The following RAB27B variants were observed in gnomAD, a reference collection of about 807,000 sequenced individuals.
RAB27B encodes ras-related protein Rab-27B.
Under a neutral mutation model 24.6 loss-of-function variants are expected in RAB27B, and 15 were observed. That is an observed-to-expected ratio of 0.61 (90% CI 0.41 to 0.94). The LOEUF is 0.94. RAB27B is among the 40% of genes least tolerant of loss of function. The pLI, the probability that RAB27B is intolerant of heterozygous loss-of-function variation, is 0.00. For synonymous variants in RAB27B, 105 were observed against 92.5 expected, an observed-to-expected ratio of 1.14 and a Z score of -0.78; for missense variants, 261 against 266.8, an observed-to-expected ratio of 0.98 and a Z score of 0.15.
At chr18:54,862,958 G>T (rs551035231) in intron 1 of RAB27B, among the ~76,000 whole-genome samples, 1 of 152,176 alleles carries the variant, frequency 6.6e-6, no homozygotes, top group South Asian at 2.1e-4. Flanking sequence ...AGATTGTTTT[G>T]GCTATTCTGT....
intron 1 of RAB27B, among the ~76,000 whole-genome samples, chr18:54,844,747 C>T (rs1429000333): frequency 1.3e-5 from 2 of 152,126 alleles, no homozygotes; most frequent in Admixed American, 1.3e-4. Flanking sequence ...CCCTGAGATA[C>T]TGAGAATCTA....
rs138524021 is a variant in RAB27B, at chr18:54,892,354, C to G, written c.*2941C>G. The G allele has an allele frequency of 6.6e-5, 10 of 152,094 alleles. No homozygotes were observed. Among genetic ancestry groups the G allele is most frequent in the African/African-American group, 2.4e-4 (10 of 41,526 alleles). The allele number at this position is 152,094 out of a possible 1,614,324, so 9.4% of individuals were successfully genotyped here. A position where few individuals can be genotyped will look rare whatever the true frequency, so the allele number is the denominator to read the frequency against. On this transcript the variant is annotated 3_prime_UTR_variant, in exon 6 of 6. Transcript: ENST00000262094. ...TCCTATAATGTTATATCATAGGAAGCCCTCACAGAGACACTAACACAGCTA... is the reference window on the plus strand; with the variant it reads ...TCCTATAATGTTATATCATAGGAAGGCCTCACAGAGACACTAACACAGCTA...
chr18:54,843,984 A>G (rs1911218873), intron 1 of RAB27B, among the ~76,000 whole-genome samples: 1 of 152,218 alleles, frequency 6.6e-6, no homozygotes, highest in Non-Finnish European at 1.5e-5. Context: ...GAACTAGAAG[A>G]AAAGCCATCC....
intron 2 of RAB27B, among the ~76,000 whole-genome samples, chr18:54,751,161 A>T (rs1275109295): frequency 1.3e-5 from 2 of 152,168 alleles, no homozygotes; most frequent in Admixed American, 6.6e-5. Context: ...GAAAGACAAT[A>T]CTAGGAGCTT....
At chr18:54,872,239 C>T (rs1253215472) in intron 1 of RAB27B, among the ~76,000 whole-genome samples, 1 of 152,172 alleles carries the variant, frequency 6.6e-6, no homozygotes, top group Non-Finnish European at 1.5e-5. Context: ...TATCTCTGTG[C>T]TTTGCCTTTT....
intron 2 of RAB27B, among the ~76,000 whole-genome samples, chr18:54,763,189 G>C (rs573326519): frequency 1.0e-3 from 159 of 152,226 alleles, no homozygotes; most frequent in Non-Finnish European, 2.0e-3. Flanking sequence ...GGAGGGTAAG[G>C]GAAAGCAATC....
At chr18:54,850,359 T>TATATATATATATATATATATATACACAC (rs1491518141) in intron 1 of RAB27B, among the ~76,000 whole-genome samples, 9 of 126,866 alleles carry the variant, frequency 7.1e-5, no homozygotes, top group African/African-American at 2.8e-4. Flanking sequence ...TATATATATA[T>TATATATATATATATATATATATACACAC]ACATACATAC....
intron 2 of RAB27B, among the ~76,000 whole-genome samples, chr18:54,765,131 T>G (rs568209054): frequency 6.6e-6 from 1 of 152,114 alleles, no homozygotes; most frequent in African/African-American, 2.4e-5. Flanking sequence ...GAAAACCACA[T>G]GACTTTGGGA....
Position 54,890,126 on chromosome 18 carries a change from T to C in RAB27B, c.*713T>C, listed in dbSNP as rs1480880446. Reference sequence around the variant, plus strand: ...TACCCTGGGAAAAAAAATGAAAGTATGAGAAATTGGCATTTCTACAGCTGA... The same window carrying C: ...TACCCTGGGAAAAAAAATGAAAGTACGAGAAATTGGCATTTCTACAGCTGA... On this transcript the variant is annotated 3_prime_UTR_variant, in exon 6 of 6. Transcript: ENST00000262094. The C allele has an allele frequency of 6.6e-6, 1 of 152,104 alleles. No individual in the cohort carries two copies. The highest frequency in any genetic ancestry group is 2.4e-5 in the African/African-American group (1 of 41,440). The allele number at this position is 152,104 out of a possible 1,614,324, so 9.4% of individuals were successfully genotyped here.
chr18:54,878,591 C>G (rs1912798691), intron 2 of RAB27B, among the ~76,000 whole-genome samples: 1 of 152,150 alleles, frequency 6.6e-6, no homozygotes. Flanking sequence ...AGCAAACTCC[C>G]TGACAACCCA....
At chr18:54,754,174 C>G (rs948682444) in intron 2 of RAB27B, among the ~76,000 whole-genome samples, 1 of 152,106 alleles carries the variant, frequency 6.6e-6, no homozygotes, top group Admixed American at 6.6e-5. Flanking sequence ...CCACGCTGTT[C>G]TCGTGATAGG....
In RAB27B at chr18:54,890,234, T is replaced by C. The variant is rs1160417414; in HGVS notation, c.*821T>C. ...GCCAATTAGGAGCTGATATTATCAGTTGGAATTAAGAGAACTCCAGAGGTT... is the reference window on the plus strand; with the variant it reads ...GCCAATTAGGAGCTGATATTATCAGCTGGAATTAAGAGAACTCCAGAGGTT... On this transcript the variant is annotated 3_prime_UTR_variant, in exon 6 of 6. Coordinates refer to ENST00000262094, the MANE Select transcript of RAB27B (RefSeq NM_004163.4). 2 of 152,156 alleles carry C rather than the reference T, an allele frequency of 1.3e-5. No individual in the cohort carries two copies. Among genetic ancestry groups the C allele is most frequent in the East Asian group, 3.9e-4 (2 of 5,188 alleles). 9.4% of individuals were successfully genotyped at this position (152,156 alleles called of 1,614,324 possible).
At chr18:54,843,263 T>C (rs1911188806) in intron 1 of RAB27B, among the ~76,000 whole-genome samples, 1 of 152,210 alleles carries the variant, frequency 6.6e-6, no homozygotes, top group African/African-American at 2.4e-5. Context: ...AAGAAGGCAC[T>C]ACAATAAATT....
At chr18:54,821,322 C>T (rs1234974052) in intron 2 of RAB27B, among the ~76,000 whole-genome samples, 4 of 152,198 alleles carry the variant, frequency 2.6e-5, no homozygotes, top group Non-Finnish European at 5.9e-5. Context: ...AGGAATCCAA[C>T]TTACAAGGGA....
rs556520769 is a variant in RAB27B at position 54,785,515 on chromosome 18, T to A, written c.-20+67374T>A. Among the ~76,000 whole-genome samples, 7 of 150,484 alleles carry A rather than the reference T, an allele frequency of 4.7e-5. No homozygotes were observed. In the South Asian group the frequency reaches 1.5e-3, roughly 32 times the overall value. ...CTAACCACCCTTTTAAATAATTGAT[T>A]CCCCCATACTGACTATCCCCCTCCT... is the stretch of plus-strand genomic sequence containing the variant. On this transcript the variant is annotated intron_variant, in intron 2 of 4. Coordinates refer to the RAB27B transcript ENST00000586570.
At chr18:54,792,436 G>A (rs1242387185) in intron 2 of RAB27B, among the ~76,000 whole-genome samples, 2 of 152,118 alleles carry the variant, frequency 1.3e-5, no homozygotes, top group Admixed American at 6.5e-5. Context: ...TGTGCCACGC[G>A]CCTTAGTCTC....
chr18:54,803,463 T>C (rs1237466954), intron 2 of RAB27B, among the ~76,000 whole-genome samples: 1 of 152,108 alleles, frequency 6.6e-6, no homozygotes. Flanking sequence ...ATTTGTGTTT[T>C]CCCCTAAACA....
At position 54,889,449 on chromosome 18, in the gene RAB27B, A is replaced by T. The variant is rs2145298351; in HGVS notation, c.*36A>T. The T allele has an allele frequency of 6.5e-7, 1 of 1,541,948 alleles. No individual in the cohort carries two copies. The highest frequency in any genetic ancestry group is 1.4e-5 in the African/African-American group (1 of 71,830). ...GAAACTGAACATCAAGAACCCCACC[A>T]AAATATTACTTTTAAAAACAATGAC... is the stretch of plus-strand genomic sequence containing the variant. On this transcript the variant is annotated 3_prime_UTR_variant, in exon 6 of 6. Transcript: ENST00000262094.
At chr18:54,804,649 T>C (rs1445098092) in intron 2 of RAB27B, among the ~76,000 whole-genome samples, 2 of 152,152 alleles carry the variant, frequency 1.3e-5, no homozygotes, top group Non-Finnish European at 1.5e-5. Flanking sequence ...GGTTCTATAC[T>C]AAACAAAAAT....
Sources: allele counts gnomAD v4.1 joint callset (sites outside exome capture counted in the v4.1 genomes callset), GRCh38; gene constraint gnomAD v4.1.1; transcripts MANE v1.5; gene names NCBI Gene and HGNC (gene_info 2026-07-23, HGNC 2026-07-21).